NLGN1: variants seen among roughly 807,000 people sequenced by gnomAD.
NLGN1 encodes neuroligin-1.
A neutral mutation model predicts 65.5 loss-of-function variants in NLGN1; 12 were observed. That is an observed-to-expected ratio of 0.18 (90% confidence interval 0.12 to 0.30). The LOEUF is 0.30. Ranked by LOEUF, NLGN1 falls within the 10% of genes least tolerant of loss-of-function variation. NLGN1 has a pLI of 1.00. For synonymous variants in NLGN1, 350 were observed against 359.5 expected (o/e 0.97, Z 0.30); for missense variants, 750 against 1,007.1 (o/e 0.74, Z 3.46).
At chr3:174,079,127 G>T (rs1442755270) in intron 4 of NLGN1, among the ~76,000 whole-genome samples, 1 of 151,664 alleles carries the variant, frequency 6.6e-6, no homozygotes, top group East Asian at 1.9e-4. Context: ...AATTATTTTT[G>T]TAAATTATGC....
intron 4 of NLGN1, among the ~76,000 whole-genome samples, chr3:174,190,958 G>C (rs1732283237): frequency 6.6e-6 from 1 of 151,898 alleles, no homozygotes; most frequent in Non-Finnish European, 1.5e-5. Context: ...TTATAGCTGA[G>C]GTTTTATACT....
intron 2 of NLGN1, among the ~76,000 whole-genome samples, chr3:173,566,121 G>A (rs1743616461): frequency 6.6e-6 from 1 of 152,150 alleles, no homozygotes; most frequent in Non-Finnish European, 1.5e-5. Flanking sequence ...TTTTTATACA[G>A]CAGTACGTTA....
At chr3:173,795,612 A>G (rs1713867779) in intron 3 of NLGN1, among the ~76,000 whole-genome samples, 1 of 152,118 alleles carries the variant, frequency 6.6e-6, no homozygotes, top group Non-Finnish European at 1.5e-5. Context: ...CATAATATCT[A>G]GTTTCTTAAA....
chr3:173,682,372 G>A (rs941806951), intron 3 of NLGN1, among the ~76,000 whole-genome samples: 2 of 152,018 alleles, frequency 1.3e-5, no homozygotes, highest in Admixed American at 1.3e-4. Context: ...GGTGGATCAC[G>A]AGGTCAAGAG....
chr3:173,398,259 C>G (rs1012946699), upstream of NLGN1, among the ~76,000 whole-genome samples: 1 of 152,102 alleles, frequency 6.6e-6, no homozygotes, highest in Non-Finnish European at 1.5e-5. Flanking sequence ...TTGGTTCCGC[C>G]GGTTAGTTTG....
intron 4 of NLGN1, among the ~76,000 whole-genome samples, chr3:173,847,122 T>C (rs1725940135): frequency 6.6e-6 from 1 of 152,186 alleles, no homozygotes; most frequent in Non-Finnish European, 1.5e-5. Context: ...CTCTCCTAAA[T>C]GTATTCCTTT....
At chr3:174,187,346 G>A (rs537562075) in intron 4 of NLGN1, among the ~76,000 whole-genome samples, 1 of 151,992 alleles carries the variant, frequency 6.6e-6, no homozygotes, top group East Asian at 1.9e-4. Context: ...ATAATACCAG[G>A]TTTTGTCTCT....
intron 2 of NLGN1, among the ~76,000 whole-genome samples, chr3:173,573,732 A>G (rs1198426159): frequency 6.6e-6 from 1 of 151,486 alleles, no homozygotes; most frequent in Non-Finnish European, 1.5e-5. Context: ...GGAAGGATAG[A>G]GAAAAAAATT....
chr3:174,027,068 A>T (rs1401117720), intron 4 of NLGN1, among the ~76,000 whole-genome samples: 10 of 84,998 alleles, frequency 1.2e-4, no homozygotes, highest in South Asian at 3.6e-4. Context: ...AATTTTTTTA[A>T]AAAAAAAAAA....
intron 2 of NLGN1, among the ~76,000 whole-genome samples, chr3:173,528,879 T>C (rs1166117483): frequency 6.6e-6 from 1 of 152,204 alleles, no homozygotes; most frequent in Non-Finnish European, 1.5e-5. Flanking sequence ...TTTCAACCTT[T>C]TCTTTGATCT....
chr3:173,527,509 TG>T, intron 2 of NLGN1, among the ~76,000 whole-genome samples: 1 of 152,176 alleles, frequency 6.6e-6, no homozygotes, highest in African/African-American at 2.4e-5. Flanking sequence ...ACCATTCTCC[TG>T]CCTCAGCCTC....
chr3:173,774,376 T>C (rs985754323), intron 3 of NLGN1, among the ~76,000 whole-genome samples: 3 of 152,194 alleles, frequency 2.0e-5, no homozygotes, highest in Non-Finnish European at 4.4e-5. Context: ...CTCTGGACAC[T>C]CACTAATATT....
At chr3:173,799,206 G>A (rs1019785471) in intron 3 of NLGN1, among the ~76,000 whole-genome samples, 1 of 151,690 alleles carries the variant, frequency 6.6e-6, no homozygotes, top group Non-Finnish European at 1.5e-5. Context: ...CTTGAGTGTC[G>A]TGTGTTTGTA....
At chr3:173,439,351 A>C (rs937455437) in intron 2 of NLGN1, among the ~76,000 whole-genome samples, 2 of 152,152 alleles carry the variant, frequency 1.3e-5, no homozygotes, top group Non-Finnish European at 2.9e-5. Flanking sequence ...ATGGGAGCCA[A>C]ATAAGAAATA....
intron 2 of NLGN1, chr3:173,585,176 A>C (rs1340276990): frequency 6.6e-6 from 1 of 152,204 alleles, no homozygotes; most frequent in Non-Finnish European, 1.5e-5. Flanking sequence ...GGGGATCGCT[A>C]GGGAGCTACC....
chr3:173,512,856 A>G (rs968073748), intron 2 of NLGN1, among the ~76,000 whole-genome samples: 7 of 152,146 alleles, frequency 4.6e-5, no homozygotes, highest in African/African-American at 1.7e-4. Context: ...TGTAATTTTT[A>G]TGTTGAAAGA....
At chr3:174,026,830 C>A (rs1728932174) in intron 4 of NLGN1, among the ~76,000 whole-genome samples, 1 of 152,222 alleles carries the variant, frequency 6.6e-6, no homozygotes, top group African/African-American at 2.4e-5. Context: ...GAACTTGAAG[C>A]AAAGTTGCAA....
chr3:173,590,468 G>A (rs1305585658), intron 2 of NLGN1, among the ~76,000 whole-genome samples: 1 of 152,138 alleles, frequency 6.6e-6, no homozygotes, highest in African/African-American at 2.4e-5. Flanking sequence ...AAGGAATACT[G>A]TACTAGTAGT....
rs1725408917 is a variant in NLGN1, at chr3:173,844,666, A to G, written c.646+36834A>G. On this transcript the variant is annotated intron_variant, in intron 4 of 6. Coordinates refer to ENST00000457714, the Ensembl canonical transcript of NLGN1. ...AGAGTTCTTGATTTAGGCTGTGAGTATTTTAAGGAAGGAAGGGACAATGAA... is the reference window on the plus strand; with the variant it reads ...AGAGTTCTTGATTTAGGCTGTGAGTGTTTTAAGGAAGGAAGGGACAATGAA... Among the ~76,000 whole-genome samples, 4 of 152,160 alleles carry G rather than the reference A, an allele frequency of 2.6e-5. No individual in the cohort carries two copies. The South Asian group carries it at 8.3e-4, about 31-fold the overall frequency.
Sources: gnomAD v4.1 joint callset for allele counts (sites outside exome capture counted in the v4.1 genomes callset) on GRCh38, gnomAD v4.1.1 for gene constraint, MANE v1.5 for transcripts, NCBI Gene and HGNC (gene_info 2026-07-23, HGNC 2026-07-21) for gene names.